GALNT13: variants seen among roughly 807,000 people sequenced by gnomAD.
GALNT13 encodes the protein UDP-GalNAc:polypeptide N-acetylgalactosaminyltransferase 13.
GALNT13 carries 28 observed loss-of-function variants against 64.2 expected under a neutral mutation model. The observed-to-expected ratio is 0.44, with a 90% CI of 0.32 to 0.60. GALNT13 has a LOEUF of 0.60. GALNT13 is among the 20% of genes least tolerant of loss of function. GALNT13 has a pLI of 0.05. For synonymous variants in GALNT13, 214 were observed against 224.6 expected (o/e 0.95, Z 0.42); for missense variants, 577 against 669.8 (o/e 0.86, Z 1.53).
At chr2:153,310,288 T>C in the GALNT13 span, among the ~76,000 whole-genome samples, 2 of 152,210 alleles carry the variant, frequency 1.3e-5, no homozygotes, top group African/African-American at 2.4e-5. Context: ...ATTACATTGA[T>C]TTTTTTGAAT....
chr2:153,890,969 T>C (rs189011961), intron 1 of GALNT13, among the ~76,000 whole-genome samples: 11 of 152,164 alleles, frequency 7.2e-5, no homozygotes, highest in Non-Finnish European at 1.5e-4. Context: ...TTATTGATGC[T>C]CATGAAGCAT....
chr2:153,813,014 C>A, the GALNT13 span, among the ~76,000 whole-genome samples: 2 of 152,110 alleles, frequency 1.3e-5, no homozygotes, highest in Non-Finnish European at 2.9e-5. Context: ...TTCCCCTTCA[C>A]TTTATCTTTT....
At chr2:153,982,436 TGTGA>T (rs1004617012) in intron 3 of GALNT13, among the ~76,000 whole-genome samples, 5 of 152,250 alleles carry the variant, frequency 3.3e-5, no homozygotes, top group South Asian at 2.1e-4. Flanking sequence ...TTTACGAATC[TGTGA>T]GTAAGTTGCT....
chr2:154,110,862 A>C (rs1000903025), intron 3 of GALNT13, among the ~76,000 whole-genome samples: 3 of 152,170 alleles, frequency 2.0e-5, no homozygotes, highest in Non-Finnish European at 4.4e-5. Context: ...TCAAATAAAG[A>C]CAAGAGTAAG....
chr2:154,159,627 A>G (rs968221061), intron 4 of GALNT13, among the ~76,000 whole-genome samples: 5 of 152,194 alleles, frequency 3.3e-5, no homozygotes, highest in Non-Finnish European at 5.9e-5. Context: ...ACATACTAAG[A>G]TGATGAAAGA....
At chr2:153,782,896 C>T in the GALNT13 span, among the ~76,000 whole-genome samples, 1 of 152,290 alleles carries the variant, frequency 6.6e-6, no homozygotes, top group Middle Eastern at 3.4e-3. Flanking sequence ...TGAGCTCACT[C>T]ACTCACATGG....
chr2:153,307,327 AT>A, the GALNT13 span, among the ~76,000 whole-genome samples: 1 of 152,112 alleles, frequency 6.6e-6, no homozygotes, highest in African/African-American at 2.4e-5. Context: ...ATTATCTTAA[AT>A]TTTTTTGAAA....
the GALNT13 span, among the ~76,000 whole-genome samples, chr2:153,346,250 T>C: frequency 3.0e-4 from 46 of 152,280 alleles, 1 homozygote; most frequent in Middle Eastern, 3.4e-3. Flanking sequence ...GTTAACACTT[T>C]GCTTTTCTAC....
At chr2:153,772,842 T>G in the GALNT13 span, among the ~76,000 whole-genome samples, 1 of 152,160 alleles carries the variant, frequency 6.6e-6, no homozygotes, top group African/African-American at 2.4e-5. Flanking sequence ...ATGGGCCAGA[T>G]GGTAACAACC....
chr2:153,613,846 C>T, the GALNT13 span, among the ~76,000 whole-genome samples: 23 of 152,046 alleles, frequency 1.5e-4, no homozygotes, highest in South Asian at 4.2e-4. Flanking sequence ...GGGAACATCA[C>T]GCACTGGGGC....
chr2:153,659,448 A>G, the GALNT13 span, among the ~76,000 whole-genome samples: 2 of 152,130 alleles, frequency 1.3e-5, no homozygotes, highest in Admixed American at 6.6e-5. Context: ...ACCTCTGTTC[A>G]TATCTTTGCC....
chr2:153,096,620 C>T, the GALNT13 span, among the ~76,000 whole-genome samples: 112 of 152,166 alleles, frequency 7.4e-4, no homozygotes, highest in African/African-American at 2.6e-3. Flanking sequence ...GTAGTGACCT[C>T]CTTTGTCTCT....
intron 3 of GALNT13, among the ~76,000 whole-genome samples, chr2:154,124,417 A>T (rs7574202): frequency 5.9e-5 from 9 of 152,172 alleles, no homozygotes; most frequent in African/African-American, 2.2e-4. Context: ...TTTGTTATAG[A>T]TCTGCGTACA....
intron 4 of GALNT13, among the ~76,000 whole-genome samples, chr2:154,221,367 CTA>C (rs939353536): frequency 1.3e-5 from 2 of 152,018 alleles, no homozygotes; most frequent in Non-Finnish European, 2.9e-5. Context: ...AAGCCAGCAT[CTA>C]TTATTATTAG....
At chr2:153,403,633 C>A in the GALNT13 span, among the ~76,000 whole-genome samples, 1 of 152,164 alleles carries the variant, frequency 6.6e-6, no homozygotes, top group Non-Finnish European at 1.5e-5. Flanking sequence ...TCTTGTGATG[C>A]GCCGTTTTTC....
At chr2:154,126,684 TTAAAG>T (rs1184341020) in intron 3 of GALNT13, among the ~76,000 whole-genome samples, 1 of 151,260 alleles carries the variant, frequency 6.6e-6, no homozygotes, top group Non-Finnish European at 1.5e-5. Flanking sequence ...AAGAAATAAA[TTAAAG>T]ACTGGTAAAT....
At chr2:154,042,900 C>T (rs1318810363) in intron 3 of GALNT13, among the ~76,000 whole-genome samples, 5 of 151,894 alleles carry the variant, frequency 3.3e-5, no homozygotes, top group Non-Finnish European at 4.4e-5. Context: ...GGCGGGAAGG[C>T]ATTGATCAGC....
chr2:154,409,744 G>A (rs954917511), intron 11 of GALNT13, among the ~76,000 whole-genome samples: 3 of 151,932 alleles, frequency 2.0e-5, no homozygotes, highest in Admixed American at 6.6e-5. Flanking sequence ...GTTTGAGGTA[G>A]CTAATCCTCT....
At chr2:153,641,570 C>A in the GALNT13 span, among the ~76,000 whole-genome samples, 1 of 152,106 alleles carries the variant, frequency 6.6e-6, no homozygotes, top group Non-Finnish European at 1.5e-5. Context: ...TTCCATGTTA[C>A]TGCCTGCTCC....
Sources: gnomAD v4.1 joint callset for allele counts (sites outside exome capture counted in the v4.1 genomes callset) on GRCh38, gnomAD v4.1.1 for gene constraint, MANE v1.5 for transcripts, NCBI Gene and HGNC (gene_info 2026-07-23, HGNC 2026-07-21) for gene names.